The following NFILZ variants were observed in gnomAD, a reference collection of about 807,000 sequenced individuals.
NFILZ encodes the protein NFIL3 like protein.
intron 3 of NFILZ, among the ~76,000 whole-genome samples, chr19:8,652,922 TTCTC>T (rs1306778842): frequency 7.3e-5 from 10 of 136,238 alleles, no homozygotes; most frequent in Non-Finnish European, 1.3e-4. Context: ...TCTCTCTCTC[TTCTC>T]TCTCTCTTTC....
At chr19:8,644,341 T>C (rs1195841346) in intron 3 of NFILZ, among the ~76,000 whole-genome samples, 1 of 152,074 alleles carries the variant, frequency 6.6e-6, no homozygotes, top group Non-Finnish European at 1.5e-5. Flanking sequence ...CCTCAAGTGA[T>C]CCACATGCCT....
intron 2 of NFILZ, among the ~76,000 whole-genome samples, chr19:8,634,651 G>A (rs1600137429): frequency 1.3e-5 from 2 of 152,126 alleles, no homozygotes; most frequent in South Asian, 2.1e-4. Flanking sequence ...TGAGGCGGGC[G>A]GATCGCTTGA....
intron 3 of NFILZ, among the ~76,000 whole-genome samples, chr19:8,670,075 C>T (rs781791129): frequency 1.3e-5 from 2 of 151,408 alleles, no homozygotes; most frequent in African/African-American, 2.4e-5. Context: ...ACTTTTTGGA[C>T]CATGAGAGCT....
At chr19:8,631,944 A>G (rs1555745604) in intron 1 of NFILZ, among the ~76,000 whole-genome samples, 1 of 150,808 alleles carries the variant, frequency 6.6e-6, no homozygotes, top group East Asian at 2.0e-4. Flanking sequence ...ATCTCAGCTC[A>G]CTGCAACCTC....
chr19:8,664,827 G>C (rs1555749601), intron 3 of NFILZ, among the ~76,000 whole-genome samples: 1 of 152,102 alleles, frequency 6.6e-6, no homozygotes. Flanking sequence ...GGGCAGGAGG[G>C]GTGGAGAAGG....
chr19:8,651,226 A>G (rs1484483104), intron 3 of NFILZ, among the ~76,000 whole-genome samples: 1 of 151,944 alleles, frequency 6.6e-6, no homozygotes, highest in Non-Finnish European at 1.5e-5. Flanking sequence ...CAGTGGAGTG[A>G]TCTCAGCTCA....
At position 8,647,392 on chromosome 19, in the gene NFILZ, T is replaced by C. The variant is rs1274232778; in HGVS notation, c.-164+11646T>C. The stretch of plus-strand genomic sequence containing the variant: ...TTTAAGACTAGCCTAGCCAACATGG[T>C]GAAACCTTGTCTCTACTAAAAATAC... On this transcript the variant is annotated intron_variant, in intron 3 of 5. Coordinates refer to ENST00000691075, the MANE Select transcript of NFILZ (RefSeq NM_001378600.1). Among the ~76,000 whole-genome samples, 3 of 152,030 alleles carry C rather than the reference T, an allele frequency of 2.0e-5. No individual in the cohort carries two copies. In the East Asian group the frequency reaches 5.8e-4, roughly 29 times the overall value.
At chr19:8,650,653 C>CA (rs201551767) in intron 3 of NFILZ, among the ~76,000 whole-genome samples, 3,263 of 108,114 alleles carry the variant, frequency 0.03, 94 homozygotes, top group African/African-American at 0.091. Context: ...GATTCTGTCT[C>CA]AAAAAAAAAA....
chr19:8,656,499 C>CCCACCTTCTTCCTGA (rs2043003710), intron 3 of NFILZ, among the ~76,000 whole-genome samples: 1 of 32,776 alleles, frequency 3.1e-5, no homozygotes, highest in Non-Finnish European at 7.8e-5. Context: ...CCTTCTCCCG[C>CCCACCTTCTTCCTGA]AGCCCACCTT....
At chr19:8,672,327 G>A (rs1349463680) in intron 3 of NFILZ, among the ~76,000 whole-genome samples, 2 of 150,624 alleles carry the variant, frequency 1.3e-5, no homozygotes, top group Non-Finnish European at 2.9e-5. Flanking sequence ...GCACTTATTT[G>A]TTCATTCAAA....
intron 3 of NFILZ, among the ~76,000 whole-genome samples, chr19:8,670,992 CAAAAAA>C (rs35392454): frequency 2.6e-5 from 3 of 117,640 alleles, no homozygotes; most frequent in African/African-American, 6.1e-5. Flanking sequence ...GAGACTGTCT[CAAAAAA>C]AAAAAAAAAA....
At chr19:8,664,224 G>C (rs2043051058) in intron 3 of NFILZ, among the ~76,000 whole-genome samples, 1 of 152,212 alleles carries the variant, frequency 6.6e-6, no homozygotes, top group Non-Finnish European at 1.5e-5. Flanking sequence ...TACCTGTTCA[G>C]CCTTTGCTGC....
chr19:8,641,145 G>A (rs782478465), intron 3 of NFILZ, among the ~76,000 whole-genome samples: 1 of 152,036 alleles, frequency 6.6e-6, no homozygotes, highest in Non-Finnish European at 1.5e-5. Flanking sequence ...GACCTCCCAG[G>A]CTCAAGTGAT....
chr19:8,631,548 G>A (rs1488850437), intron 1 of NFILZ, among the ~76,000 whole-genome samples: 1 of 152,160 alleles, frequency 6.6e-6, no homozygotes, highest in Non-Finnish European at 1.5e-5. Context: ...GATTAGCTCA[G>A]TAGACAAACA....
intron 4 of NFILZ, among the ~76,000 whole-genome samples, chr19:8,675,125 C>T (rs1294577935): frequency 2.0e-5 from 3 of 152,128 alleles, no homozygotes; most frequent in African/African-American, 7.2e-5. Context: ...ACCAGGGATA[C>T]AAGAGTAGAC....
intron 3 of NFILZ, among the ~76,000 whole-genome samples, chr19:8,654,428 G>A (rs1555748123): frequency 6.6e-6 from 1 of 151,790 alleles, no homozygotes; most frequent in Non-Finnish European, 1.5e-5. Flanking sequence ...GACCAGCCTG[G>A]GCAACATGGC....
chr19:8,676,315 A>T (rs2043109924), intron 4 of NFILZ, among the ~76,000 whole-genome samples, 44 bp from the exon 5 acceptor site: 1 of 152,182 alleles, frequency 6.6e-6, no homozygotes, highest in Admixed American at 6.5e-5. Flanking sequence ...CTGATCCCAA[A>T]TTGGCTCTGT....
intron 3 of NFILZ, among the ~76,000 whole-genome samples, chr19:8,671,426 AG>A (rs2043086607): frequency 6.9e-6 from 1 of 143,972 alleles, no homozygotes; most frequent in Non-Finnish European, 1.6e-5. Context: ...AGGGGGGTTC[AG>A]GCCAAGCCAC....
Position 8,646,558 on chromosome 19 carries a change from G to A in NFILZ, c.-164+10812G>A, listed in dbSNP as rs187922365. ...GAGGCTGCATAACTGGAGAGAGGAA[G>A]TAAGAGCCACTCTTCCTTTGCCTAG... is the stretch of plus-strand genomic sequence containing the variant. On this transcript the variant is annotated intron_variant, in intron 3 of 5. Coordinates refer to ENST00000691075, the MANE Select transcript of NFILZ (RefSeq NM_001378600.1). Among the ~76,000 whole-genome samples, 798 of 152,220 alleles carry A rather than the reference G, an allele frequency of 5.2e-3. 30 individuals are homozygous for A. The highest frequency in any genetic ancestry group is 0.046 in the Admixed American group (707 of 15,276).
Sources: gnomAD v4.1 joint callset for allele counts (sites outside exome capture counted in the v4.1 genomes callset) on GRCh38, gnomAD v4.1.1 for gene constraint, MANE v1.5 for transcripts, NCBI Gene and HGNC (gene_info 2026-07-23, HGNC 2026-07-21) for gene names.